PDSS2: variants seen among roughly 807,000 people sequenced by gnomAD.
PDSS2 encodes decaprenyl diphosphate synthase subunit 2, also known as all trans-polyprenyl-diphosphate synthase PDSS2.
Under a neutral mutation model 44.5 loss-of-function variants are expected in PDSS2, and 31 were observed. That is an observed-to-expected ratio of 0.70 (90% CI 0.52 to 0.94). PDSS2 has a LOEUF of 0.94. Ranked by LOEUF, PDSS2 falls within the 40% of genes least tolerant of loss-of-function variation. The probability of loss-of-function intolerance (pLI) is 0.00; values close to 1 mark genes in which losing one functional copy is unlikely to be tolerated. For synonymous variants in PDSS2, 157 were observed against 180.3 expected (o/e 0.87, Z 1.03); for missense variants, 452 against 482.2 (o/e 0.94, Z 0.59).
chr6:107,243,312 T>C (rs1180132096), intron 4 of PDSS2, among the ~76,000 whole-genome samples: 1 of 152,226 alleles, frequency 6.6e-6, no homozygotes, highest in Non-Finnish European at 1.5e-5. Flanking sequence ...TCATAGGTGA[T>C]TGTGTACAAA....
intron 1 of PDSS2, among the ~76,000 whole-genome samples, chr6:107,335,084 G>C (rs776725402): frequency 5.9e-5 from 9 of 151,592 alleles, no homozygotes; most frequent in Admixed American, 3.3e-4. Flanking sequence ...CCCAGGGTTG[G>C]GGGGGTGCTG....
intron 4 of PDSS2, among the ~76,000 whole-genome samples, chr6:107,233,202 A>G (rs1292158033): frequency 3.9e-5 from 6 of 152,130 alleles, no homozygotes; most frequent in African/African-American, 1.4e-4. Context: ...CCTCTGAAAC[A>G]TTTTGAATTC....
At chr6:107,309,413 C>T (rs1365718328) in intron 2 of PDSS2, among the ~76,000 whole-genome samples, 1 of 152,200 alleles carries the variant, frequency 6.6e-6, no homozygotes, top group Non-Finnish European at 1.5e-5. Flanking sequence ...AGAGGTGATA[C>T]AGACAACACT....
intron 1 of PDSS2, among the ~76,000 whole-genome samples, chr6:107,364,010 G>T (rs777085486): frequency 5.3e-5 from 8 of 152,000 alleles, no homozygotes; most frequent in South Asian, 2.1e-4. Flanking sequence ...CCCTGAGCTA[G>T]ACATAAAGGT....
At chr6:107,168,279 A>T (rs1554247885) in intron 7 of PDSS2, among the ~76,000 whole-genome samples, 8 of 152,206 alleles carry the variant, frequency 5.3e-5, no homozygotes, top group African/African-American at 1.9e-4. Flanking sequence ...AGTCTGTTTT[A>T]TCAGAGACTA....
At chr6:107,270,021 G>A (rs886145764) in intron 3 of PDSS2, among the ~76,000 whole-genome samples, 1 of 151,998 alleles carries the variant, frequency 6.6e-6, no homozygotes, top group Non-Finnish European at 1.5e-5. Context: ...ACTGTTGGGG[G>A]CACAGATTGA....
At chr6:107,225,165 T>TATATATATATATATATA (rs1562389540) in intron 4 of PDSS2, among the ~76,000 whole-genome samples, 2 of 39,738 alleles carry the variant, frequency 5.0e-5, no homozygotes, top group South Asian at 7.5e-4. Flanking sequence ...ATATATATTT[T>TATATATATATATATATA]TTTTTTTTTT....
intron 4 of PDSS2, among the ~76,000 whole-genome samples, chr6:107,241,725 C>T (rs1415059287): frequency 6.6e-6 from 1 of 152,164 alleles, no homozygotes. Context: ...TATGCATCTA[C>T]CTTAGTCACA....
At position 107,459,430 on chromosome 6, in the gene PDSS2, C is replaced by T; in HGVS notation, c.-145G>A. 1.5e-6 allele frequency: 1 copy of T among 668,658 alleles called. No individual in the cohort carries two copies. Among genetic ancestry groups the T allele is most frequent in the East Asian group, 2.7e-5 (1 of 36,848 alleles). 41.4% of individuals were successfully genotyped at this position (668,658 alleles called of 1,614,324 possible). On this transcript the variant is annotated 5_prime_UTR_variant, in exon 1 of 8. An upstream open reading frame in the 5' UTR gains an earlier in-frame stop. Transcript: ENST00000369037. This position sits in a 1 kb window ranked among gnomAD's most constrained non-coding sequence, Gnocchi z 4.3. Reference sequence around the variant, plus strand: ...GTAAGGTGGCTTCCTGGAGCAGTGACCAGAAACGAACTTTAACTGCTGCTT... The same window carrying T: ...GTAAGGTGGCTTCCTGGAGCAGTGATCAGAAACGAACTTTAACTGCTGCTT...
chr6:107,260,548 T>C (rs548293301), intron 3 of PDSS2, among the ~76,000 whole-genome samples: 1 of 152,218 alleles, frequency 6.6e-6, no homozygotes, highest in Non-Finnish European at 1.5e-5. Flanking sequence ...GAAATAGAAA[T>C]ATATTGACTA....
At chr6:107,180,437 T>C (rs144486509) in intron 7 of PDSS2, among the ~76,000 whole-genome samples, 6 of 152,284 alleles carry the variant, frequency 3.9e-5, no homozygotes, top group Non-Finnish European at 8.8e-5. Context: ...CTTGGGGGGA[T>C]ATAAGAGGAA....
At chr6:107,238,176 G>T (rs979197838) in intron 4 of PDSS2, among the ~76,000 whole-genome samples, 3 of 152,170 alleles carry the variant, frequency 2.0e-5, no homozygotes, top group Non-Finnish European at 4.4e-5. Flanking sequence ...AGACAGGAAA[G>T]AGGTGTCTTG....
chr6:107,388,625 A>G (rs1453718028), intron 1 of PDSS2, among the ~76,000 whole-genome samples: 1 of 151,926 alleles, frequency 6.6e-6, no homozygotes, highest in African/African-American at 2.4e-5. Flanking sequence ...CGGCTGGCTA[A>G]TTTTTTGTAT....
chr6:107,400,033 A>G (rs1411615332), intron 1 of PDSS2, among the ~76,000 whole-genome samples: 1 of 152,132 alleles, frequency 6.6e-6, no homozygotes, highest in Non-Finnish European at 1.5e-5. Flanking sequence ...CAGGTCAAGC[A>G]GAAAACTGAT....
intron 1 of PDSS2, among the ~76,000 whole-genome samples, chr6:107,359,071 C>T (rs1018424717): frequency 3.2e-5 from 4 of 125,410 alleles, no homozygotes; most frequent in Admixed American, 1.0e-4. Context: ...AGTGCAGTGG[C>T]GTGATATCAG....
rs146616668 is a variant in PDSS2 at position 107,247,678 on chromosome 6, G to C, written c.631-2059C>G. On this transcript the variant is annotated intron_variant, in intron 3 of 7. Coordinates refer to ENST00000369037, the MANE Select transcript of PDSS2 (RefSeq NM_020381.4). ...ACATATCAATCTCTTTACATTGCCT[G>C]AAATGTTTATTTTTAAAATTATACC... Among the ~76,000 whole-genome samples, 243 of 152,116 alleles carry C rather than the reference G, an allele frequency of 1.6e-3. 4 individuals carry two copies. In the East Asian group the frequency reaches 0.029, roughly 18 times the overall value.
At chr6:107,253,484 G>A (rs1774896102) in intron 3 of PDSS2, among the ~76,000 whole-genome samples, 4 of 152,172 alleles carry the variant, frequency 2.6e-5, no homozygotes, top group Admixed American at 2.6e-4. Flanking sequence ...TAAAGATAAA[G>A]GCCATTTATT....
In PDSS2 at chr6:107,341,694, T is replaced by C. The variant is rs182481526; in HGVS notation, c.297-7362A>G. On this transcript the variant is annotated intron_variant, in intron 1 of 7. Coordinates refer to ENST00000369037, the MANE Select transcript of PDSS2 (RefSeq NM_020381.4). ...ATGAAGTATGTATACACACGCACAATGGAGGCAGAGAACTACAACAGTACA... is the reference window on the plus strand; with the variant it reads ...ATGAAGTATGTATACACACGCACAACGGAGGCAGAGAACTACAACAGTACA... Among the ~76,000 whole-genome samples, 237 of 152,238 alleles carry C rather than the reference T, an allele frequency of 1.6e-3. 2 individuals carry two copies. Among genetic ancestry groups the C allele is most frequent in the African/African-American group, 5.4e-3 (226 of 41,544 alleles).
At chr6:107,249,980 T>TC (rs1388651525) in intron 3 of PDSS2, among the ~76,000 whole-genome samples, 1 of 152,294 alleles carries the variant, frequency 6.6e-6, no homozygotes, top group Middle Eastern at 3.4e-3. Flanking sequence ...ATTTCAGCAA[T>TC]CTCAGGGGAA....
Sources: allele counts gnomAD v4.1 joint callset (sites outside exome capture counted in the v4.1 genomes callset), GRCh38; gene constraint gnomAD v4.1.1; non-coding constraint Gnocchi (gnomAD v3.1); transcripts MANE v1.5; gene names NCBI Gene and HGNC (gene_info 2026-07-23, HGNC 2026-07-21).